The following RANBP2 variants were observed in gnomAD, a reference collection of about 807,000 sequenced individuals.
The protein encoded by RANBP2 is E3 SUMO-protein ligase RanBP2.
A neutral mutation model predicts 303.6 loss-of-function variants in RANBP2; 57 were observed. That is an observed-to-expected ratio of 0.19 (90% CI 0.15 to 0.23). The LOEUF (loss-of-function observed/expected upper bound fraction) is 0.23, where lower values mean the gene tolerates loss of function less well. Ranked by LOEUF, RANBP2 falls within the 10% of genes least tolerant of loss-of-function variation. RANBP2 has a pLI of 1.00. For missense variants in RANBP2, 3,138 were observed against 3,780.8 expected (o/e 0.83, Z 4.46); for synonymous variants, 1,167 against 1,301.5 (o/e 0.90, Z 2.23).
the RANBP2 span, among the ~76,000 whole-genome samples, chr2:109,274,376 C>A: frequency 6.6e-6 from 1 of 152,128 alleles, no homozygotes; most frequent in Non-Finnish European, 1.5e-5. Flanking sequence ...AAAGGTGGGA[C>A]CAGCCCAAGT....
chr2:108,923,473 C>T, the RANBP2 span: 1 of 1,611,708 alleles, frequency 6.2e-7, no homozygotes, highest in African/African-American at 1.3e-5. Flanking sequence ...AGAGACAAGA[C>T]AAAACAGAGA....
chr2:109,347,416 CTG>C, the RANBP2 span, among the ~76,000 whole-genome samples: 11 of 152,054 alleles, frequency 7.2e-5, no homozygotes, highest in Non-Finnish European at 1.5e-4. Context: ...ATGAGGTTGT[CTG>C]TGTGGAAGGC....
At chr2:109,731,918 A>G in the RANBP2 span, among the ~76,000 whole-genome samples, 1 of 147,118 alleles carries the variant, frequency 6.8e-6, no homozygotes, top group Non-Finnish European at 1.5e-5. Flanking sequence ...CACCATCATG[A>G]CTCACCACAG....
the RANBP2 span, among the ~76,000 whole-genome samples, chr2:109,593,626 G>A: frequency 1.3e-5 from 2 of 151,914 alleles, no homozygotes; most frequent in East Asian, 1.9e-4. Flanking sequence ...GGCTGGTCTC[G>A]AACTTCTGAC....
chr2:109,554,522 C>G, the RANBP2 span, among the ~76,000 whole-genome samples: 1 of 152,142 alleles, frequency 6.6e-6, no homozygotes, highest in African/African-American at 2.4e-5. Context: ...TCACACCACC[C>G]CCACCCAACT....
the RANBP2 span, among the ~76,000 whole-genome samples, chr2:109,073,080 A>G: frequency 4.8e-3 from 730 of 152,296 alleles, 5 homozygotes; most frequent in African/African-American, 0.016. Flanking sequence ...AATCTTCAGA[A>G]ACTGACCCAA....
the RANBP2 span, among the ~76,000 whole-genome samples, chr2:109,634,796 A>G: frequency 4.8e-4 from 69 of 142,820 alleles, no homozygotes; most frequent in African/African-American, 1.4e-3. Context: ...ATTATAACCA[A>G]TATTTACTAA....
chr2:109,067,594 T>C, the RANBP2 span, among the ~76,000 whole-genome samples: 3 of 152,148 alleles, frequency 2.0e-5, no homozygotes, highest in African/African-American at 7.2e-5. Flanking sequence ...CTCTCCTGGG[T>C]GTTGGGAAGG....
chr2:109,332,397 C>T, the RANBP2 span, among the ~76,000 whole-genome samples: 24 of 152,230 alleles, frequency 1.6e-4, no homozygotes, highest in African/African-American at 4.3e-4. Context: ...CTGACACTCC[C>T]GCGACTCCCC....
the RANBP2 span, among the ~76,000 whole-genome samples, chr2:108,795,997 A>G: frequency 2.6e-5 from 4 of 152,228 alleles, no homozygotes; most frequent in African/African-American, 9.6e-5. Flanking sequence ...TAATAAGAAA[A>G]AAATGAAGTG....
the RANBP2 span, among the ~76,000 whole-genome samples, chr2:109,200,566 T>C: frequency 2.0e-5 from 3 of 152,120 alleles, no homozygotes; most frequent in Non-Finnish European, 4.4e-5. Flanking sequence ...CCAGCCTTGC[T>C]CTTCTAGGCA....
chr2:109,379,565 G>A, the RANBP2 span, among the ~76,000 whole-genome samples: 1 of 152,236 alleles, frequency 6.6e-6, no homozygotes, highest in South Asian at 2.1e-4. Context: ...ACTCAGGGAT[G>A]TCTGCCAGGG....
the RANBP2 span, among the ~76,000 whole-genome samples, chr2:109,258,647 A>G: frequency 1.3e-5 from 2 of 152,256 alleles, no homozygotes; most frequent in Non-Finnish European, 2.9e-5. Flanking sequence ...ACTGACCAGC[A>G]GGTCACCGGT....
the RANBP2 span, among the ~76,000 whole-genome samples, chr2:108,927,585 G>A: frequency 6.6e-5 from 10 of 152,226 alleles, no homozygotes; most frequent in South Asian, 4.1e-4. Context: ...AGCATAGGTC[G>A]GCGAGGTTCC....
the RANBP2 span, among the ~76,000 whole-genome samples, chr2:109,071,735 T>C: frequency 9.2e-5 from 14 of 152,080 alleles, no homozygotes; most frequent in African/African-American, 3.1e-4. Flanking sequence ...GTCTTGAGTT[T>C]CGGGGTGAGG....
At chr2:109,415,518 C>T in the RANBP2 span, among the ~76,000 whole-genome samples, 1 of 152,126 alleles carries the variant, frequency 6.6e-6, no homozygotes, top group African/African-American at 2.4e-5. Flanking sequence ...TGTCCAGACC[C>T]CCTCCTGACT....
chr2:109,158,034 A>G, the RANBP2 span, among the ~76,000 whole-genome samples: 13 of 152,114 alleles, frequency 8.5e-5, no homozygotes, highest in Admixed American at 2.6e-4. Flanking sequence ...GCGTGCTTCA[A>G]TTGCACTGTG....
the RANBP2 span, chr2:108,910,480 A>T: frequency 6.2e-7 from 1 of 1,613,730 alleles, no homozygotes; most frequent in Non-Finnish European, 8.5e-7. Flanking sequence ...GCTTTGCTGG[A>T]GTTGCTGTCA....
chr2:109,756,714 A>T, the RANBP2 span, among the ~76,000 whole-genome samples: 1 of 113,572 alleles, frequency 8.8e-6, no homozygotes, highest in Non-Finnish European at 1.8e-5. Flanking sequence ...ACATGATCTC[A>T]TGATGAGTTC....
Sources: gnomAD v4.1 joint callset for allele counts (sites outside exome capture counted in the v4.1 genomes callset) on GRCh38, gnomAD v4.1.1 for gene constraint, MANE v1.5 for transcripts, NCBI Gene and HGNC (gene_info 2026-07-23, HGNC 2026-07-21) for gene names.